Variants in SEM1 observed in about 807,000 individuals in gnomAD.
SEM1 encodes the protein 26S proteasome complex subunit SEM1.
Under a neutral mutation model 12.7 loss-of-function variants are expected in SEM1, and 3 were observed. The observed-to-expected ratio is 0.24, with a 90% CI of 0.11 to 0.61. SEM1 has a LOEUF of 0.61. Ranked by LOEUF, SEM1 falls within the 20% of genes least tolerant of loss-of-function variation. The probability of loss-of-function intolerance (pLI) is 0.88; values close to 1 mark genes in which losing one functional copy is unlikely to be tolerated. For missense variants in SEM1, 59 were observed against 81.3 expected (o/e 0.73, Z 1.06); for synonymous variants, 30 against 27.8 (o/e 1.08, Z -0.25).
At chr7:96,652,005 T>A (rs1413752147) in intron 2 of SEM1, among the ~76,000 whole-genome samples, 1 of 152,214 alleles carries the variant, frequency 6.6e-6, no homozygotes, top group Non-Finnish European at 1.5e-5. Flanking sequence ...TTGCCACTTG[T>A]CATTGTAATT....
At chr7:96,584,431 T>C (rs2116083688) in intron 2 of SEM1, among the ~76,000 whole-genome samples, 1 of 152,232 alleles carries the variant, frequency 6.6e-6, no homozygotes, top group South Asian at 2.1e-4. Flanking sequence ...TTGGTGAATC[T>C]GACAATTATG....
At chr7:96,638,454 A>G (rs548823354) in intron 2 of SEM1, among the ~76,000 whole-genome samples, 2 of 152,148 alleles carry the variant, frequency 1.3e-5, no homozygotes, top group East Asian at 3.9e-4. Context: ...TAAACAATAT[A>G]TATTTTTAAA....
intron 2 of SEM1, among the ~76,000 whole-genome samples, chr7:96,580,928 A>G (rs937734550): frequency 4.0e-5 from 6 of 151,872 alleles, no homozygotes; most frequent in African/African-American, 1.5e-4. Flanking sequence ...TTGCCTGTTC[A>G]CTCTGATGGT....
chr7:96,543,458 T>C (rs988807881), intron 2 of SEM1, among the ~76,000 whole-genome samples: 6 of 152,062 alleles, frequency 3.9e-5, no homozygotes, highest in South Asian at 2.1e-4. Context: ...AAGAAATATA[T>C]ATATATGAAA....
chr7:96,584,698 C>T (rs1806547291), intron 2 of SEM1, among the ~76,000 whole-genome samples: 2 of 151,728 alleles, frequency 1.3e-5, no homozygotes, highest in Non-Finnish European at 2.9e-5. Flanking sequence ...AACTTCCCTT[C>T]TCGCTTCATT....
intron 2 of SEM1, among the ~76,000 whole-genome samples, chr7:96,626,724 A>G (rs1308964923): frequency 7.2e-5 from 11 of 152,128 alleles, no homozygotes; most frequent in Non-Finnish European, 1.3e-4. Context: ...AATATTCATC[A>G]GAGATATTGG....
At chr7:96,618,658 T>A (rs537969953), downstream of SEM1, among the ~76,000 whole-genome samples, 1 of 152,214 alleles carries the variant, frequency 6.6e-6, no homozygotes, top group South Asian at 2.1e-4. Context: ...TTTCTTCTGC[T>A]TGGTCCAGTC....
At chr7:96,580,418 C>T (rs1411177913) in intron 2 of SEM1, among the ~76,000 whole-genome samples, 13 of 150,808 alleles carry the variant, frequency 8.6e-5, no homozygotes, top group South Asian at 4.3e-4. Flanking sequence ...TGAATAATGC[C>T]GCAATAAACA....
intron 2 of SEM1, among the ~76,000 whole-genome samples, chr7:96,612,882 G>A (rs1040714268): frequency 3.9e-5 from 6 of 152,172 alleles, no homozygotes; most frequent in Admixed American, 2.0e-4. Context: ...TGATCCGCCT[G>A]CCTCGGCCTC....
chr7:96,659,988 C>T (rs1788942105), intron 2 of SEM1, among the ~76,000 whole-genome samples: 2 of 150,214 alleles, frequency 1.3e-5, no homozygotes. Flanking sequence ...TTAAACTTGC[C>T]AGTTAAAAAA....
At chr7:96,555,722 T>A (rs1297724357) in intron 2 of SEM1, among the ~76,000 whole-genome samples, 2 of 143,088 alleles carry the variant, frequency 1.4e-5, no homozygotes, top group Non-Finnish European at 3.1e-5. Flanking sequence ...GGTGCAGAGC[T>A]GAGTTCAATT....
chr7:96,591,419 T>C (rs1806825014), intron 2 of SEM1, among the ~76,000 whole-genome samples: 1 of 152,194 alleles, frequency 6.6e-6, no homozygotes, highest in South Asian at 2.1e-4. Flanking sequence ...TGCCTCCCTC[T>C]AACAGAGTTA....
intron 2 of SEM1, among the ~76,000 whole-genome samples, chr7:96,594,309 A>G (rs1806927549): frequency 6.6e-6 from 1 of 151,682 alleles, no homozygotes; most frequent in South Asian, 2.1e-4. Context: ...ATTTCTTCTC[A>G]TTTTTCTGCC....
intron 2 of SEM1, among the ~76,000 whole-genome samples, chr7:96,681,983 C>A (rs1048472608): frequency 1.3e-5 from 2 of 151,994 alleles, no homozygotes; most frequent in African/African-American, 4.8e-5. Context: ...GGCAGTATGG[C>A]CATTTTCACG....
At chr7:96,622,116 G>C (rs1213362516), downstream of SEM1, 2 of 152,918 alleles carry the variant, frequency 1.3e-5, no homozygotes, top group Non-Finnish European at 1.5e-5. Context: ...CCATAACTTA[G>C]GCTAGACATT....
chr7:96,632,510 G>A (rs1171326890), intron 2 of SEM1, among the ~76,000 whole-genome samples: 5 of 151,930 alleles, frequency 3.3e-5, no homozygotes, highest in Non-Finnish European at 7.4e-5. Flanking sequence ...CAATGAGAAC[G>A]CATGGATACA....
At chr7:96,542,165 G>A (rs1360733675) in intron 2 of SEM1, among the ~76,000 whole-genome samples, 1 of 151,548 alleles carries the variant, frequency 6.6e-6, no homozygotes, top group Non-Finnish European at 1.5e-5. Flanking sequence ...GATAAAAATA[G>A]CATTGAACCT....
chr7:96,622,444 A>C (rs1171392126), downstream of SEM1: 1 of 539,316 alleles, frequency 1.9e-6, no homozygotes, highest in Non-Finnish European at 3.3e-6. Flanking sequence ...ATTCAGGAGA[A>C]GTCAAGAAAT....
chr7:96,671,684 G>C (rs1424736263), downstream of SEM1, among the ~76,000 whole-genome samples: 1 of 152,210 alleles, frequency 6.6e-6, no homozygotes, highest in Non-Finnish European at 1.5e-5. Context: ...CGATTGAAGA[G>C]AAGGGAGGAA....
Sources: allele counts gnomAD v4.1 joint callset (sites outside exome capture counted in the v4.1 genomes callset), GRCh38; gene constraint gnomAD v4.1.1; transcripts MANE v1.5; gene names NCBI Gene and HGNC (gene_info 2026-07-23, HGNC 2026-07-21).